The following PCCB variants were observed in gnomAD, a reference collection of about 807,000 sequenced individuals.
PCCB encodes propionyl-CoA carboxylase beta chain, mitochondrial.
In PCCB, 43 loss-of-function variants were observed where a neutral mutation model predicts 60.7. The ratio of observed to expected loss-of-function variants is 0.71; its 90% CI spans 0.55 to 0.91. The LOEUF is 0.91. Ranked by LOEUF, PCCB falls within the 40% of genes least tolerant of loss-of-function variation. The pLI, the probability that PCCB is intolerant of heterozygous loss-of-function variation, is 0.00. For missense variants in PCCB, 766 were observed against 702.8 expected, an observed-to-expected ratio of 1.09 and a Z score of -1.02; for synonymous variants, 276 against 255.9, an observed-to-expected ratio of 1.08 and a Z score of -0.75.
intron 9 of PCCB, among the ~76,000 whole-genome samples, chr3:136,301,655 T>G (rs1934287018): frequency 6.6e-6 from 1 of 151,966 alleles, no homozygotes; most frequent in African/African-American, 2.4e-5. Flanking sequence ...GCCAATGCCT[T>G]CCTTAAGGGT....
At chr3:136,273,825 T>C (rs371871094) in intron 5 of PCCB, among the ~76,000 whole-genome samples, 5 of 137,436 alleles carry the variant, frequency 3.6e-5, no homozygotes, top group South Asian at 4.5e-4. Flanking sequence ...GGCAGGAGAA[T>C]GGCGTGAACC....
chr3:136,300,680 C>T (rs764788681), intron 8 of PCCB, among the ~76,000 whole-genome samples: 3 of 152,150 alleles, frequency 2.0e-5, no homozygotes, highest in African/African-American at 7.2e-5. Context: ...GGGCTGGGCT[C>T]TCCCAGGGCT....
rs1167305370 is a variant in PCCB at position 136,264,874 on chromosome 3, C to CAAA, written c.543+2828_543+2830dup. ...TGGGCGACAGAGCAAGACTCCGTCTCAAAAAAAAAAAAAAAAAAAAAGAGC... is the reference window on the plus strand; with the variant it reads ...TGGGCGACAGAGCAAGACTCCGTCTCAAAAAAAAAAAAAAAAAAAAAAAAGAGC... On this transcript the variant is annotated intron_variant, in intron 5 of 14. Coordinates refer to ENST00000251654, the MANE Select transcript of PCCB (RefSeq NM_000532.5). Among the ~76,000 whole-genome samples the CAAA allele has an allele frequency of 5.8e-3, 439 of 76,214 alleles. 11 individuals are homozygous for CAAA. The highest frequency in any genetic ancestry group is 8.0e-3 in the Non-Finnish European group (344 of 43,048). The allele number at this position is 76,214 out of a possible 152,430, so 50.0% of individuals were successfully genotyped here. A position where few individuals can be genotyped will look rare whatever the true frequency, so the allele number is the denominator to read the frequency against.
At chr3:136,324,516 T>C (rs1935226204) in intron 10 of PCCB, among the ~76,000 whole-genome samples, 1 of 152,208 alleles carries the variant, frequency 6.6e-6, no homozygotes, top group Non-Finnish European at 1.5e-5. Context: ...GTGTATCTCA[T>C]CCTAGGCATA....
intron 7 of PCCB, among the ~76,000 whole-genome samples, chr3:136,296,927 A>G (rs150051369): frequency 6.6e-6 from 1 of 152,374 alleles, no homozygotes; most frequent in Non-Finnish European, 1.5e-5. Flanking sequence ...CAAAAGAAAG[A>G]CACCTGCCCA....
intron 5 of PCCB, among the ~76,000 whole-genome samples, chr3:136,262,374 A>T (rs1388119674): frequency 6.6e-6 from 1 of 152,208 alleles, no homozygotes; most frequent in East Asian, 1.9e-4. Flanking sequence ...GAAATATGAA[A>T]AGTTAAAATG....
intron 9 of PCCB, among the ~76,000 whole-genome samples, chr3:136,311,426 A>T (rs559317652): frequency 6.6e-6 from 1 of 152,204 alleles, no homozygotes; most frequent in South Asian, 2.1e-4. Flanking sequence ...GTCACAACTC[A>T]CTGCAGCTTC....
intron 10 of PCCB, among the ~76,000 whole-genome samples, chr3:136,318,763 G>T (rs1242508557): frequency 6.6e-6 from 1 of 151,782 alleles, no homozygotes; most frequent in Non-Finnish European, 1.5e-5. Flanking sequence ...TTTTATGGCT[G>T]AATAATATTA....
At position 136,287,687 on chromosome 3, in the gene PCCB, C is replaced by A. The variant is rs373454881; in HGVS notation, c.654+3740C>A. 1.2e-4 allele frequency among the ~76,000 whole-genome samples: 18 copies of A among 152,342 alleles called. No individual in the cohort carries two copies. In the South Asian group the frequency reaches 3.7e-3, roughly 32 times the overall value. ...TTGGCCTCAAGTAATCTGCCGGCCT[C>A]AGCCTCCTAAAGTGCTGGGAGTATA... is the stretch of plus-strand genomic sequence containing the variant. On this transcript the variant is annotated intron_variant, in intron 6 of 14. Coordinates refer to ENST00000251654, the MANE Select transcript of PCCB (RefSeq NM_000532.5).
Position 136,301,086 on chromosome 3 carries a change from A to G in PCCB, c.941A>G (p.Tyr314Cys), listed in dbSNP as rs148578333. 7.7e-5 allele frequency: 125 copies of G among 1,613,918 alleles called. No homozygotes were observed. The highest frequency in any genetic ancestry group is 4.1e-5 in the Non-Finnish European group (48 of 1,179,890). Residue 314 changes from tyrosine to cysteine, a missense_variant, in exon 9 of 15, where the codon TAC becomes TGC. By Grantham distance (194) the Tyr-to-Cys change is radical. Coordinates refer to ENST00000251654, the MANE Select transcript of PCCB (RefSeq NM_000532.5). ...TIVPLESTKA[Y>C]NMVDIIHSVV... ...GTCCCTTTGGAATCAACCAAAGCCT[A>G]CAACATGGTGGACATCATACACTCT...
chr3:136,303,472 G>A lies in PCCB; in HGVS notation c.966+2361G>A, dbSNP rs1282647885. On this transcript the variant is annotated intron_variant, in intron 9 of 14. Transcript: ENST00000251654. The stretch of plus-strand genomic sequence containing the variant: ...ATACTAAACTTCCTTCATTCCTGAA[G>A]TTGTATATTCTGTTTGCTAATGTTT... Among the ~76,000 whole-genome samples the A allele has an allele frequency of 1.6e-5, 2 of 122,194 alleles. 1 individual carries two copies. The allele number at this position is 122,194 out of a possible 152,430, so 80.2% of individuals were successfully genotyped here.
intron 1 of PCCB, among the ~76,000 whole-genome samples, chr3:136,253,772 T>C (rs36106592): frequency 6.6e-6 from 1 of 150,936 alleles, no homozygotes; most frequent in African/African-American, 2.4e-5. Context: ...TGGGCTCCAG[T>C]GATCCTCCCA....
At chr3:136,270,013 C>A (rs1942147719) in intron 5 of PCCB, among the ~76,000 whole-genome samples, 1 of 133,660 alleles carries the variant, frequency 7.5e-6, no homozygotes. Context: ...TTTTTTTGGA[C>A]ATTCTCTTGA....
intron 1 of PCCB, among the ~76,000 whole-genome samples, chr3:136,253,090 T>G (rs1164007287): frequency 1.4e-5 from 2 of 139,576 alleles, no homozygotes; most frequent in Non-Finnish European, 3.1e-5. Context: ...AGGTTTTTTT[T>G]TTTTTTTTTT....
chr3:136,301,542 C>T (rs1934282160), intron 9 of PCCB, among the ~76,000 whole-genome samples: 1 of 152,008 alleles, frequency 6.6e-6, no homozygotes, highest in Non-Finnish European at 1.5e-5. Context: ...GTGTGGAGGT[C>T]CGTGGGAGAC....
intron 10 of PCCB, among the ~76,000 whole-genome samples, chr3:136,317,683 C>CTA (rs1437269467): frequency 2.0e-5 from 3 of 152,194 alleles, no homozygotes; most frequent in South Asian, 2.1e-4. Context: ...GACTCACCCA[C>CTA]TAATCATGAG....
At chr3:136,271,078 T>A (rs987361461) in intron 5 of PCCB, among the ~76,000 whole-genome samples, 2 of 152,218 alleles carry the variant, frequency 1.3e-5, no homozygotes, top group Non-Finnish European at 2.9e-5. Flanking sequence ...CTCTGTGAGT[T>A]GGCTCTTTGC....
Position 136,250,469 on chromosome 3 carries a change from G to T in PCCB, c.94G>T (p.Ala32Ser), listed in dbSNP as rs751136139. The change falls in exon 1 of 15, where the codon GCC becomes TCC. Residue 32 changes from alanine to serine, a missense_variant. By Grantham distance (99) the Ala-to-Ser change is moderately conservative. Coordinates refer to ENST00000251654, the MANE Select transcript of PCCB (RefSeq NM_000532.5). Reference sequence around the variant, plus strand: ...CGCGGTCCGCAGCCTTTGCAGCCAGGCCACCTCTGTTAACGAACGCATCGA... The same window carrying T: ...CGCGGTCCGCAGCCTTTGCAGCCAGTCCACCTCTGTTAACGAACGCATCGA... ...RAAVRSLCSQATSVNERIENK... is the reference protein window; with the variant it reads ...RAAVRSLCSQSTSVNERIENK... 2.5e-6 allele frequency: 4 copies of T among 1,611,316 alleles called. No individual in the cohort carries two copies. The highest frequency in any genetic ancestry group is 2.2e-5 in the East Asian group (1 of 44,808).
At chr3:136,286,526 G>A (rs1933418078) in intron 6 of PCCB, among the ~76,000 whole-genome samples, 1 of 152,160 alleles carries the variant, frequency 6.6e-6, no homozygotes, top group African/African-American at 2.4e-5. Flanking sequence ...TCTTCCAGTG[G>A]CTCAGGTAAA....
Sources: allele counts gnomAD v4.1 joint callset (sites outside exome capture counted in the v4.1 genomes callset), GRCh38; gene constraint gnomAD v4.1.1; transcripts MANE v1.5; gene names NCBI Gene and HGNC (gene_info 2026-07-23, HGNC 2026-07-21).